KCTD16: variants seen among roughly 807,000 people sequenced by gnomAD.
The protein encoded by KCTD16 is BTB/POZ domain-containing protein KCTD16.
A neutral mutation model predicts 33.2 loss-of-function variants in KCTD16; 13 were observed. The observed-to-expected ratio is 0.39, with a 90% CI of 0.25 to 0.62. KCTD16 has a LOEUF of 0.62. KCTD16 is among the 20% of genes least tolerant of loss of function. KCTD16 has a pLI of 0.50. For synonymous variants in KCTD16, 197 were observed against 195.3 expected, an observed-to-expected ratio of 1.01 and a Z score of -0.07; for missense variants, 441 against 525.1, an observed-to-expected ratio of 0.84 and a Z score of 1.57.
At chr5:144,291,116 G>A (rs542798628) in intron 3 of KCTD16, among the ~76,000 whole-genome samples, 17 of 152,224 alleles carry the variant, frequency 1.1e-4, no homozygotes, top group East Asian at 5.8e-4. Context: ...GTTAACACAC[G>A]GGAAGGGGAA....
intron 3 of KCTD16, among the ~76,000 whole-genome samples, chr5:144,236,684 A>G (rs1754263367): frequency 6.6e-6 from 1 of 152,146 alleles, no homozygotes; most frequent in Non-Finnish European, 1.5e-5. Context: ...TGAACAGCAC[A>G]TGACCTTATT....
intron 2 of KCTD16, among the ~76,000 whole-genome samples, chr5:144,194,228 T>A (rs765738958): frequency 6.6e-6 from 1 of 152,166 alleles, no homozygotes; most frequent in Non-Finnish European, 1.5e-5. Context: ...CTGGGACAAG[T>A]GACATCTAAC....
chr5:144,473,635 T>C (rs749299224), intron 3 of KCTD16, 25 bp from the exon 4 acceptor site: 1 of 1,569,514 alleles, frequency 6.4e-7, no homozygotes, highest in Admixed American at 1.7e-5. Flanking sequence ...GCATTAATCC[T>C]TTGGGTCCTT....
chr5:144,353,126 T>C (rs1159251251), intron 3 of KCTD16, among the ~76,000 whole-genome samples: 1 of 152,178 alleles, frequency 6.6e-6, no homozygotes. Context: ...CCTTTGGAAA[T>C]AGTGTTGTTC....
intron 3 of KCTD16, among the ~76,000 whole-genome samples, chr5:144,316,346 C>G (rs1339001820): frequency 6.6e-6 from 1 of 152,064 alleles, no homozygotes; most frequent in African/African-American, 2.4e-5. Context: ...TACTAGGTAA[C>G]GTGGAATTAT....
At chr5:144,412,436 T>C (rs1440474281) in intron 3 of KCTD16, among the ~76,000 whole-genome samples, 1 of 152,132 alleles carries the variant, frequency 6.6e-6, no homozygotes, top group African/African-American at 2.4e-5. Flanking sequence ...ATGGCAAATA[T>C]CACATGTTCT....
chr5:144,187,481 G>GA (rs1752753742), intron 2 of KCTD16, among the ~76,000 whole-genome samples: 1 of 151,730 alleles, frequency 6.6e-6, no homozygotes, highest in African/African-American at 2.4e-5. Flanking sequence ...GGGCAAGAGA[G>GA]AAAAAATGTT....
intron 3 of KCTD16, among the ~76,000 whole-genome samples, chr5:144,220,859 T>A (rs1753725439): frequency 6.6e-6 from 1 of 150,468 alleles, no homozygotes; most frequent in South Asian, 2.1e-4. Context: ...GAGAATGGCA[T>A]GAACGCAGGA....
At chr5:144,220,010 C>G (rs1439405956) in intron 3 of KCTD16, among the ~76,000 whole-genome samples, 1 of 152,196 alleles carries the variant, frequency 6.6e-6, no homozygotes, top group African/African-American at 2.4e-5. Context: ...CATATCACAA[C>G]TCACATTCCT....
chr5:144,290,122 T>A (rs930091642), intron 3 of KCTD16, among the ~76,000 whole-genome samples: 4 of 151,788 alleles, frequency 2.6e-5, no homozygotes, highest in African/African-American at 9.7e-5. Context: ...CTCTAAAAAA[T>A]ATATATATAC....
At chr5:144,252,664 T>A (rs1754733469) in intron 3 of KCTD16, among the ~76,000 whole-genome samples, 1 of 151,584 alleles carries the variant, frequency 6.6e-6, no homozygotes, top group Non-Finnish European at 1.5e-5. Flanking sequence ...TTCCATTGAG[T>A]TAGTTGGATT....
At chr5:144,420,683 C>G (rs1255500642) in intron 3 of KCTD16, among the ~76,000 whole-genome samples, 1 of 152,020 alleles carries the variant, frequency 6.6e-6, no homozygotes, top group Non-Finnish European at 1.5e-5. Flanking sequence ...TCTAATGCAT[C>G]ATGTATAGGT....
chr5:144,455,368 G>A (rs1349592458), intron 3 of KCTD16, among the ~76,000 whole-genome samples: 1 of 152,030 alleles, frequency 6.6e-6, no homozygotes, highest in Admixed American at 6.6e-5. Context: ...CGAAGCGGGG[G>A]CACATTCAAT....
At chr5:144,372,335 C>T (rs1334086875) in intron 3 of KCTD16, among the ~76,000 whole-genome samples, 1 of 151,806 alleles carries the variant, frequency 6.6e-6, no homozygotes, top group African/African-American at 2.4e-5. Context: ...GTTGGCTATT[C>T]ATTCATTTAT....
At chr5:144,372,731 C>G (rs572194215) in intron 3 of KCTD16, among the ~76,000 whole-genome samples, 1 of 152,266 alleles carries the variant, frequency 6.6e-6, no homozygotes, top group East Asian at 1.9e-4. Context: ...GTGATTATAA[C>G]AGTTGAATGT....
At chr5:144,377,467 C>T (rs147362825) in intron 3 of KCTD16, among the ~76,000 whole-genome samples, 61 of 152,296 alleles carry the variant, frequency 4.0e-4, no homozygotes, top group Non-Finnish European at 7.1e-4. Flanking sequence ...GCATGTGACA[C>T]TTATTAATTT....
At chr5:144,390,858 G>A (rs889826811) in intron 3 of KCTD16, among the ~76,000 whole-genome samples, 8 of 152,116 alleles carry the variant, frequency 5.3e-5, no homozygotes, top group African/African-American at 1.7e-4. Context: ...ACATAAACTC[G>A]TTCTTTCTTT....
intron 3 of KCTD16, among the ~76,000 whole-genome samples, chr5:144,414,053 G>A (rs1341544018): frequency 6.6e-6 from 1 of 152,056 alleles, no homozygotes; most frequent in Non-Finnish European, 1.5e-5. Context: ...AAATTTGCTT[G>A]GGAAACATTT....
chr5:144,320,603 T>G (rs1016897096), intron 3 of KCTD16, among the ~76,000 whole-genome samples: 1 of 152,210 alleles, frequency 6.6e-6, no homozygotes, highest in Non-Finnish European at 1.5e-5. Context: ...AAAGTGACAC[T>G]GTTTAAAGGA....
Sources: gnomAD v4.1 joint callset for allele counts (sites outside exome capture counted in the v4.1 genomes callset) on GRCh38, gnomAD v4.1.1 for gene constraint, MANE v1.5 for transcripts, NCBI Gene and HGNC (gene_info 2026-07-23, HGNC 2026-07-21) for gene names.